FAM227B: variants seen among roughly 807,000 people sequenced by gnomAD.
FAM227B encodes the protein family with sequence similarity 227 member B.
FAM227B carries 88 observed loss-of-function variants against 73.8 expected under a neutral mutation model. The ratio of observed to expected loss-of-function variants is 1.19; its 90% confidence interval spans 1.00 to 1.42. The LOEUF (loss-of-function observed/expected upper bound fraction) is 1.42, where lower values mean the gene tolerates loss of function less well. FAM227B is among the 40% of genes most tolerant of loss of function. The pLI, the probability that FAM227B is intolerant of heterozygous loss-of-function variation, is 0.00. For missense variants in FAM227B, 632 were observed against 590.9 expected, an observed-to-expected ratio of 1.07 and a Z score of -0.72; for synonymous variants, 210 against 190.5, an observed-to-expected ratio of 1.10 and a Z score of -0.84.
chr15:49,513,028 A>G (rs1325839345), intron 10 of FAM227B, among the ~76,000 whole-genome samples: 2 of 152,042 alleles, frequency 1.3e-5, no homozygotes, highest in Admixed American at 6.6e-5. Flanking sequence ...GGTTGGTTTC[A>G]TGTCTTTGAT....
chr15:49,398,318 C>T lies in FAM227B; in HGVS notation c.1013-26919G>A, dbSNP rs1224013812. 4.1e-5 allele frequency among the ~76,000 whole-genome samples: 6 copies of T among 147,904 alleles called. No homozygotes were observed. The East Asian group carries it at 1.0e-3, about 25-fold the overall frequency. On this transcript the variant is annotated intron_variant, in intron 11 of 15. Transcript: ENST00000299338. ...GCTAACTATCCTAAATATATATGCA[C>T]CCAATACAGGAGCACCAAGATTCAT...
intron 3 of FAM227B, among the ~76,000 whole-genome samples, chr15:49,591,029 G>GT (rs71424023): frequency 0.13 from 14,066 of 105,184 alleles, 882 homozygotes; most frequent in African/African-American, 0.19. Context: ...TCTTTTTTTT[G>GT]TTTTTTTTTT....
intron 11 of FAM227B, among the ~76,000 whole-genome samples, chr15:49,503,281 G>A (rs1490392408): frequency 6.6e-6 from 1 of 152,170 alleles, no homozygotes; most frequent in African/African-American, 2.4e-5. Context: ...AATTCAAGAT[G>A]GATTAAAGAC....
intron 13 of FAM227B, among the ~76,000 whole-genome samples, chr15:49,353,000 C>T (rs1290307504): frequency 6.6e-6 from 1 of 152,162 alleles, no homozygotes; most frequent in East Asian, 1.9e-4. Flanking sequence ...GGACTATGCA[C>T]AGACAATGGC....
chr15:49,500,905 C>G (rs555801115), intron 11 of FAM227B, among the ~76,000 whole-genome samples: 1 of 152,272 alleles, frequency 6.6e-6, no homozygotes, highest in Admixed American at 6.5e-5. Flanking sequence ...CTCTGCCCCC[C>G]TCTTGCTTGA....
chr15:49,549,628 G>C (rs936698718), intron 9 of FAM227B, among the ~76,000 whole-genome samples: 3 of 151,646 alleles, frequency 2.0e-5, no homozygotes, highest in Non-Finnish European at 4.4e-5. Context: ...ACATGATTCC[G>C]AGAGCACAGG....
At chr15:49,434,162 T>C (rs2050872500) in intron 11 of FAM227B, among the ~76,000 whole-genome samples, 1 of 151,642 alleles carries the variant, frequency 6.6e-6, no homozygotes, top group South Asian at 2.1e-4. Context: ...CTTCTGACCA[T>C]AGGCCTAGTT....
At chr15:49,471,484 A>AAATAATAAT (rs201297260) in intron 11 of FAM227B, among the ~76,000 whole-genome samples, 1,909 of 137,826 alleles carry the variant, frequency 0.014, 23 homozygotes, top group South Asian at 0.036. Context: ...CTCTATCTCA[A>AAATAATAAT]AATAATAATA....
At chr15:49,367,803 T>TA in intron 12 of FAM227B, 195 bp from the exon 13 acceptor site, 1 of 367,294 alleles carries the variant, frequency 2.7e-6, no homozygotes, top group Non-Finnish European at 4.8e-6. Context: ...AAGGCTCTTC[T>TA]ACTCTTTTGA....
intron 3 of FAM227B, among the ~76,000 whole-genome samples, chr15:49,600,752 C>T (rs2153304099): frequency 6.6e-6 from 1 of 151,776 alleles, no homozygotes; most frequent in Non-Finnish European, 1.5e-5. Context: ...GAATAATTTA[C>T]TACTGCCAGG....
chr15:49,337,361 T>C (rs2039896330), intron 13 of FAM227B, among the ~76,000 whole-genome samples: 1 of 152,154 alleles, frequency 6.6e-6, no homozygotes, highest in Non-Finnish European at 1.5e-5. Flanking sequence ...CTATTGTTTT[T>C]TGACTTTTTA....
intron 13 of FAM227B, among the ~76,000 whole-genome samples, chr15:49,342,348 T>G (rs1295468958): frequency 6.6e-6 from 1 of 152,180 alleles, no homozygotes; most frequent in Non-Finnish European, 1.5e-5. Context: ...GAATAGTGAC[T>G]CCTGCTCTTT....
rs569181388 is a variant in FAM227B at position 49,397,838 on chromosome 15, C to T, written c.1013-26439G>A. On this transcript the variant is annotated intron_variant, in intron 11 of 15. Transcript: ENST00000299338. ...CACCAGGCCTGCCCTAAAAGAGCTT[C>T]TGAAGGAAGTGCTAAACACGGAAAG... 1.3e-3 allele frequency among the ~76,000 whole-genome samples: 193 copies of T among 152,238 alleles called. 4 individuals are homozygous for T. In the East Asian group the frequency reaches 0.017, roughly 13 times the overall value.
chr15:49,582,167 C>A (rs373097235), intron 5 of FAM227B, among the ~76,000 whole-genome samples: 1 of 152,114 alleles, frequency 6.6e-6, no homozygotes, highest in Admixed American at 6.5e-5. Context: ...TAAATGCCCC[C>A]GTTAAAAGGC....
chr15:49,544,563 G>A (rs1204398306), intron 9 of FAM227B, among the ~76,000 whole-genome samples: 1 of 152,110 alleles, frequency 6.6e-6, no homozygotes, highest in East Asian at 1.9e-4. Flanking sequence ...TGGTGAAAGT[G>A]GGCATCCTTG....
intron 2 of FAM227B, among the ~76,000 whole-genome samples, chr15:49,613,388 C>T (rs2078078555): frequency 6.6e-6 from 1 of 152,026 alleles, no homozygotes; most frequent in African/African-American, 2.4e-5. Context: ...GGTGTCCCAG[C>T]TACTCGAGAG....
intron 9 of FAM227B, among the ~76,000 whole-genome samples, chr15:49,561,110 T>C (rs1332549287): frequency 2.0e-5 from 3 of 152,144 alleles, no homozygotes; most frequent in African/African-American, 7.2e-5. Flanking sequence ...ACAAGACTTA[T>C]CTATCTACTT....
intron 11 of FAM227B, among the ~76,000 whole-genome samples, chr15:49,463,853 T>C (rs1265363032): frequency 6.6e-6 from 1 of 152,234 alleles, no homozygotes; most frequent in African/African-American, 2.4e-5. Flanking sequence ...GCTAACGCTC[T>C]TATAAGCACA....
chr15:49,617,776 T>G (rs1040142127), intron 1 of FAM227B, among the ~76,000 whole-genome samples: 3 of 148,114 alleles, frequency 2.0e-5, no homozygotes, highest in Non-Finnish European at 4.5e-5. Flanking sequence ...CTTTCATGTT[T>G]TGTGTGTGTG....
Sources: allele counts gnomAD v4.1 joint callset (sites outside exome capture counted in the v4.1 genomes callset), GRCh38; gene constraint gnomAD v4.1.1; transcripts MANE v1.5; gene names NCBI Gene and HGNC (gene_info 2026-07-23, HGNC 2026-07-21).